SIPA1L3: variants seen among roughly 807,000 people sequenced by gnomAD.
The protein encoded by SIPA1L3 is signal induced proliferation associated 1 like 3.
Under a neutral mutation model 150.1 loss-of-function variants are expected in SIPA1L3, and 59 were observed. The observed-to-expected ratio is 0.39, with a 90% CI of 0.32 to 0.49. The LOEUF is 0.49. Ranked by LOEUF, SIPA1L3 falls within the 20% of genes least tolerant of loss-of-function variation. The pLI is 0.86. For synonymous variants in SIPA1L3, 1,070 were observed against 1,077.6 expected, an observed-to-expected ratio of 0.99 and a Z score of 0.14; for missense variants, 2,211 against 2,489.5, an observed-to-expected ratio of 0.89 and a Z score of 2.38.
intron 2 of SIPA1L3, among the ~76,000 whole-genome samples, chr19:38,065,129 G>A (rs1009707558): frequency 3.9e-5 from 6 of 152,202 alleles, no homozygotes; most frequent in African/African-American, 1.4e-4. Context: ...AGACATTTCA[G>A]TTTAAGTATT....
At chr19:38,177,560 CT>C (rs896892457) in intron 15 of SIPA1L3, among the ~76,000 whole-genome samples, 10 of 152,072 alleles carry the variant, frequency 6.6e-5, no homozygotes, top group South Asian at 2.1e-4. Context: ...TACTTTATTT[CT>C]TTTTTTCTCT....
In SIPA1L3 at chr19:38,103,658, T is replaced by C. The variant is rs548000030; in HGVS notation, c.2029+2432T>C. On this transcript the variant is annotated intron_variant, in intron 6 of 21. Transcript: ENST00000222345. The stretch of plus-strand genomic sequence containing the variant: ...AAAAAAAAGGGGCCGGGCGCGGTGG[T>C]TCACGCCTGTAATCTTAGCACTTGG... 6.8e-5 allele frequency among the ~76,000 whole-genome samples: 10 copies of C among 146,202 alleles called. No homozygotes were observed. In the East Asian group the frequency reaches 1.8e-3, roughly 26 times the overall value.
chr19:38,193,148 C>A (rs1972840269), intron 17 of SIPA1L3, among the ~76,000 whole-genome samples: 1 of 151,764 alleles, frequency 6.6e-6, no homozygotes, highest in Non-Finnish European at 1.5e-5. Flanking sequence ...TCAAGACCAT[C>A]CTGGGCAATG....
At chr19:38,161,778 T>TCAAGCTCATAGATAAATGGGTAAAGGATA (rs1432779508) in intron 13 of SIPA1L3, among the ~76,000 whole-genome samples, 2 of 151,556 alleles carry the variant, frequency 1.3e-5, no homozygotes, top group East Asian at 3.9e-4. Context: ...CTAGGCATGG[T>TCAAGCTCATAGATAAATGGGTAAAGGATA]GGCTCACGCC....
At chr19:37,959,673 T>A (rs2046840031) in intron 1 of SIPA1L3, among the ~76,000 whole-genome samples, 1 of 152,184 alleles carries the variant, frequency 6.6e-6, no homozygotes, top group Admixed American at 6.5e-5. Flanking sequence ...GTTGGTGTGT[T>A]TGGATTAACA....
intron 3 of SIPA1L3, among the ~76,000 whole-genome samples, chr19:38,087,261 G>GCAA (rs1020962331): frequency 2.6e-5 from 4 of 152,216 alleles, no homozygotes; most frequent in Non-Finnish European, 5.9e-5. Flanking sequence ...GATGGAAAAA[G>GCAA]CAACAACCCC....
At chr19:37,921,036 T>G (rs1272590184) in intron 1 of SIPA1L3, among the ~76,000 whole-genome samples, 1 of 152,224 alleles carries the variant, frequency 6.6e-6, no homozygotes, top group Non-Finnish European at 1.5e-5. Context: ...CTGGTGGGTC[T>G]TTGTTGAGGC....
intron 11 of SIPA1L3, 39 bp from the exon 12 acceptor site, chr19:38,142,534 A>ACTCAC (rs1971613877): frequency 1.9e-6 from 3 of 1,573,136 alleles, no homozygotes; most frequent in Non-Finnish European, 2.6e-6. Context: ...GTACCCTCCT[A>ACTCAC]CTCACCCTCT....
chr19:38,166,628 C>T (rs889841769), intron 15 of SIPA1L3, among the ~76,000 whole-genome samples: 4 of 152,020 alleles, frequency 2.6e-5, no homozygotes, highest in African/African-American at 7.2e-5. Context: ...ATCCTTGGAC[C>T]CCCTTAGGGT....
At chr19:38,157,385 G>A (rs1971973187) in intron 13 of SIPA1L3, among the ~76,000 whole-genome samples, 2 of 152,170 alleles carry the variant, frequency 1.3e-5, no homozygotes, top group South Asian at 4.1e-4. Flanking sequence ...AGAGGAGGAC[G>A]ATGAGGCACA....
intron 1 of SIPA1L3, among the ~76,000 whole-genome samples, chr19:37,954,622 C>T (rs1049272901): frequency 1.3e-5 from 2 of 152,122 alleles, no homozygotes; most frequent in African/African-American, 2.4e-5. Flanking sequence ...GTTAAGTTTC[C>T]GTAAACCCCT....
chr19:38,155,196 G>A (rs1417485516), intron 13 of SIPA1L3, among the ~76,000 whole-genome samples: 1 of 151,950 alleles, frequency 6.6e-6, no homozygotes, highest in Non-Finnish European at 1.5e-5. Context: ...CATTCCGGTG[G>A]GCAGGTGGTG....
intron 10 of SIPA1L3, among the ~76,000 whole-genome samples, chr19:38,140,453 T>A (rs1272223516): frequency 6.6e-6 from 1 of 151,962 alleles, no homozygotes; most frequent in African/African-American, 2.4e-5. Flanking sequence ...CTCTTCCAGC[T>A]GCCTTTAAGA....
intron 1 of SIPA1L3, among the ~76,000 whole-genome samples, chr19:37,941,645 C>G (rs941541222): frequency 6.6e-6 from 1 of 152,102 alleles, no homozygotes; most frequent in Admixed American, 6.6e-5. Context: ...TGGGGCCTTG[C>G]GGGTGTTTGT....
intron 2 of SIPA1L3, among the ~76,000 whole-genome samples, chr19:38,044,083 G>A (rs562572980): frequency 6.6e-6 from 1 of 152,330 alleles, no homozygotes; most frequent in Admixed American, 6.5e-5. Context: ...GGATGTAGGG[G>A]TGAGAGAAAG....
At chr19:38,176,807 A>G (rs535880102) in intron 15 of SIPA1L3, among the ~76,000 whole-genome samples, 1 of 152,202 alleles carries the variant, frequency 6.6e-6, no homozygotes, top group Admixed American at 6.5e-5. Context: ...CCCCATCTCT[A>G]CTAAAAATAC....
rs56146390 is a variant in SIPA1L3, at chr19:38,136,183, C to CAAA, written c.3144-4980_3144-4978dup. Among the ~76,000 whole-genome samples, 232 of 43,532 alleles carry CAAA rather than the reference C, an allele frequency of 5.3e-3. 5 individuals are homozygous for CAAA. Among genetic ancestry groups the CAAA allele is most frequent in the Middle Eastern group, 0.02 (1 of 50 alleles). The allele number at this position is 43,532 out of a possible 152,430, so 28.6% of individuals were successfully genotyped here. On this transcript the variant is annotated intron_variant, in intron 10 of 21. Coordinates refer to ENST00000222345, the MANE Select transcript of SIPA1L3 (RefSeq NM_015073.3). ...CCTGGGCAAGAGAGTGAGACTGTCTCAAAAAAAAAAAAAAAAAAAAAAAGA... is the reference window on the plus strand; with the variant it reads ...CCTGGGCAAGAGAGTGAGACTGTCTCAAAAAAAAAAAAAAAAAAAAAAAAAAGA...
chr19:38,101,624 T>A (rs1431370098), intron 6 of SIPA1L3, among the ~76,000 whole-genome samples: 1 of 152,184 alleles, frequency 6.6e-6, no homozygotes, highest in Non-Finnish European at 1.5e-5. Flanking sequence ...TTGGCCAGAC[T>A]GGTCTCGAAC....
intron 15 of SIPA1L3, among the ~76,000 whole-genome samples, chr19:38,172,319 G>T (rs943243367): frequency 6.6e-6 from 1 of 152,206 alleles, no homozygotes. Context: ...GGCAGAGTGG[G>T]GCAGCCAGCG....
Sources: allele counts gnomAD v4.1 joint callset (sites outside exome capture counted in the v4.1 genomes callset), GRCh38; gene constraint gnomAD v4.1.1; transcripts MANE v1.5; gene names NCBI Gene and HGNC (gene_info 2026-07-23, HGNC 2026-07-21).